The following NECAB1 variants were observed in gnomAD, a reference collection of about 807,000 sequenced individuals.
The protein encoded by NECAB1 is N-terminal EF-hand calcium binding protein 1.
NECAB1 carries 29 observed loss-of-function variants against 57.5 expected under a neutral mutation model. That is an observed-to-expected ratio of 0.50 (90% CI 0.38 to 0.69). The LOEUF is 0.69. Ranked by LOEUF, NECAB1 falls within the 30% of genes least tolerant of loss-of-function variation. The probability of loss-of-function intolerance (pLI) is 0.00; values close to 1 mark genes in which losing one functional copy is unlikely to be tolerated. For missense variants in NECAB1, 372 were observed against 413.8 expected (o/e 0.90, Z 0.88); for synonymous variants, 142 against 147.7 (o/e 0.96, Z 0.28).
In NECAB1 at chr8:90,959,318, G is replaced by A. The variant is rs1390194100; in HGVS notation, c.*3806G>A. On this transcript the variant is annotated 3_prime_UTR_variant, in exon 13 of 13. Transcript: ENST00000417640. ...TTAATGTGTAAATCACAAGTAAAAT[G>A]AATTCTAATGTACAAGTTTGTTTTA... 2.7e-5 allele frequency: 5 copies of A among 182,530 alleles called. No homozygotes were observed. The highest frequency in any genetic ancestry group is 1.2e-4 in the African/African-American group (5 of 42,466). The allele number at this position is 182,530 out of a possible 1,614,324, so 11.3% of individuals were successfully genotyped here.
At chr8:90,902,241 G>A (rs1432218261) in intron 5 of NECAB1, among the ~76,000 whole-genome samples, 1 of 152,124 alleles carries the variant, frequency 6.6e-6, no homozygotes, top group Non-Finnish European at 1.5e-5. Flanking sequence ...ACAACAGGGT[G>A]AAACCCTGCC....
At chr8:90,922,149 G>T (rs1244878211) in intron 6 of NECAB1, among the ~76,000 whole-genome samples, 2 of 152,216 alleles carry the variant, frequency 1.3e-5, no homozygotes, top group Non-Finnish European at 2.9e-5. Context: ...CCCCCTAGGG[G>T]TCCCCTATTC....
intron 3 of NECAB1, among the ~76,000 whole-genome samples, chr8:90,833,624 T>G (rs1199843137): frequency 6.6e-6 from 1 of 152,172 alleles, no homozygotes; most frequent in Non-Finnish European, 1.5e-5. Context: ...AATTGTCTAC[T>G]GAGGAAGCTA....
intron 3 of NECAB1, among the ~76,000 whole-genome samples, chr8:90,856,896 AC>A (rs1206323669): frequency 6.6e-6 from 1 of 152,188 alleles, no homozygotes. Flanking sequence ...TAACGCGGCA[AC>A]TTTTAGAATG....
rs2130287851 is a variant in NECAB1 at position 90,956,128 on chromosome 8, G to T, written c.*616G>T. 1 of 152,066 alleles carries T rather than the reference G, an allele frequency of 6.6e-6. No homozygotes were observed. Among genetic ancestry groups the T allele is most frequent in the East Asian group, 1.9e-4 (1 of 5,184 alleles). The allele number at this position is 152,066 out of a possible 1,614,324, so 9.4% of individuals were successfully genotyped here. On this transcript the variant is annotated 3_prime_UTR_variant, in exon 13 of 13. Transcript: ENST00000417640. ...GGTTATAGACTGGTTTTTCAAAAGT[G>T]AACAATCCTGTGATAAGTTGGAGTA...
intron 3 of NECAB1, among the ~76,000 whole-genome samples, chr8:90,826,848 A>T (rs958790204): frequency 6.6e-5 from 10 of 151,920 alleles, no homozygotes; most frequent in South Asian, 2.1e-4. Context: ...AATGTTAAAG[A>T]AGTATATGTA....
chr8:90,927,143 A>C (rs1810291321), intron 7 of NECAB1, among the ~76,000 whole-genome samples: 1 of 151,600 alleles, frequency 6.6e-6, no homozygotes, highest in Non-Finnish European at 1.5e-5. Context: ...TTTAAAAAAA[A>C]CATAAATTTT....
intron 4 of NECAB1, among the ~76,000 whole-genome samples, chr8:90,874,756 G>A (rs1808683513): frequency 2.6e-5 from 4 of 152,090 alleles, no homozygotes; most frequent in Non-Finnish European, 1.5e-5. Flanking sequence ...GGAAAAACAG[G>A]ATTGAAATAA....
intron 5 of NECAB1, among the ~76,000 whole-genome samples, chr8:90,907,185 A>ATT (rs1809709158): frequency 3.5e-5 from 5 of 144,644 alleles, no homozygotes; most frequent in African/African-American, 1.4e-4. Flanking sequence ...AGAGAGAGAG[A>ATT]GAGAATTAGT....
chr8:90,872,017 A>G (rs1808629818), intron 3 of NECAB1, 111 bp from the exon 4 acceptor site: 1 of 782,552 alleles, frequency 1.3e-6, no homozygotes, highest in Non-Finnish European at 2.1e-6. Context: ...TTAACTACAT[A>G]CCATCAATTA....
rs111296428 is a variant in NECAB1 at position 90,899,014 on chromosome 8, C to T, written c.357+17884C>T. 9.1e-3 allele frequency among the ~76,000 whole-genome samples: 1,390 copies of T among 152,286 alleles called. 20 individuals carry two copies. The highest frequency in any genetic ancestry group is 0.031 in the African/African-American group (1,302 of 41,544). On this transcript the variant is annotated intron_variant, in intron 5 of 12. Transcript: ENST00000417640. ...GAGGGAACAAGAGCAGTGGGAAGAT[C>T]CTTCAGGCTGCCCTGCAGGTCTGGC...
intron 5 of NECAB1, among the ~76,000 whole-genome samples, chr8:90,906,883 A>ATATATATG (rs1554574053): frequency 1.2e-5 from 1 of 80,758 alleles, no homozygotes; most frequent in African/African-American, 4.8e-5. Context: ...ACACATATAT[A>ATATATATG]TATATATATA....
At chr8:90,809,558 G>C (rs1054735518) in intron 2 of NECAB1, among the ~76,000 whole-genome samples, 1 of 152,228 alleles carries the variant, frequency 6.6e-6, no homozygotes, top group Non-Finnish European at 1.5e-5. Context: ...TGTTAAGTAA[G>C]AGAGATGAAG....
chr8:90,896,170 C>T lies in NECAB1; in HGVS notation c.357+15040C>T, dbSNP rs972897182. Among the ~76,000 whole-genome samples the T allele has an allele frequency of 3.9e-5, 6 of 152,172 alleles. No individual in the cohort carries two copies. In the South Asian group the frequency reaches 1.0e-3, roughly 26 times the overall value. On this transcript the variant is annotated intron_variant, in intron 5 of 12. Transcript: ENST00000417640. Reference sequence around the variant, plus strand: ...TAAAACCTCCCTTAGCTATCCTCCACCTTATCCAGAGAAGCTTCTTCTTTT... The same window carrying T: ...TAAAACCTCCCTTAGCTATCCTCCATCTTATCCAGAGAAGCTTCTTCTTTT...
At chr8:90,797,817 C>G (rs1057375424) in intron 1 of NECAB1, among the ~76,000 whole-genome samples, 21 of 152,168 alleles carry the variant, frequency 1.4e-4, no homozygotes, top group African/African-American at 4.6e-4. Context: ...CAGAGATCAT[C>G]TCATCAAGAT....
rs2129889045 is a variant in NECAB1 at position 90,883,203 on chromosome 8, A to G, written c.357+2073A>G. On this transcript the variant is annotated intron_variant, in intron 5 of 12. Transcript: ENST00000417640. ...ACCCTTAAAAATGCATGTGATTCAT[A>G]TTATACTGTTTAACCAAGAAAAACA... Among the ~76,000 whole-genome samples, 3 of 152,276 alleles carry G rather than the reference A, an allele frequency of 2.0e-5. 1 individual carries two copies. The East Asian group carries it at 5.8e-4, about 29-fold the overall frequency.
At chr8:90,873,432 T>C (rs543534018) in intron 4 of NECAB1, among the ~76,000 whole-genome samples, 47 of 152,324 alleles carry the variant, frequency 3.1e-4, no homozygotes, top group Non-Finnish European at 4.9e-4. Flanking sequence ...TTATGATGAA[T>C]AGCAGTCACC....
At chr8:90,801,250 T>G (rs1811752310) in intron 1 of NECAB1, among the ~76,000 whole-genome samples, 1 of 152,144 alleles carries the variant, frequency 6.6e-6, no homozygotes, top group African/African-American at 2.4e-5. Flanking sequence ...CCTCTTGTAA[T>G]CCACCCTCCC....
chr8:90,840,858 G>A (rs1273310797), intron 3 of NECAB1, among the ~76,000 whole-genome samples: 1 of 151,158 alleles, frequency 6.6e-6, no homozygotes, highest in Non-Finnish European at 1.5e-5. Flanking sequence ...GGGGGATGTT[G>A]CTGCTATTTG....
Sources: allele counts gnomAD v4.1 joint callset (sites outside exome capture counted in the v4.1 genomes callset), GRCh38; gene constraint gnomAD v4.1.1; transcripts MANE v1.5; gene names NCBI Gene and HGNC (gene_info 2026-07-23, HGNC 2026-07-21).